The following CACNA1S variants were observed in gnomAD, a reference collection of about 807,000 sequenced individuals.
CACNA1S encodes the protein voltage-dependent L-type calcium channel subunit alpha-1S.
Under a neutral mutation model 207.4 loss-of-function variants are expected in CACNA1S, and 126 were observed. The observed-to-expected ratio is 0.61, with a 90% confidence interval of 0.53 to 0.70. CACNA1S has a LOEUF of 0.70. Among genes scored for constraint, CACNA1S ranks in the 30% least tolerant of loss-of-function variants. The pLI is 0.00. For synonymous variants in CACNA1S, 960 were observed against 932.7 expected (o/e 1.03, Z -0.53); for missense variants, 2,349 against 2,422.8 (o/e 0.97, Z 0.64).
intron 3 of CACNA1S, among the ~76,000 whole-genome samples, chr1:201,093,389 G>T (rs1662310234): frequency 6.6e-6 from 1 of 152,206 alleles, no homozygotes; most frequent in Admixed American, 6.5e-5. Context: ...CCAGACTCCA[G>T]AACTGTGAGA....
intron 1 of CACNA1S, 21 bp downstream of exon 1, chr1:201,112,167 G>A (rs199693053): frequency 3.8e-5 from 61 of 1,602,158 alleles, no homozygotes; most frequent in African/African-American, 2.8e-4. Context: ...CCCCCCCCAC[G>A]GCCCGGGCCC....
chr1:201,081,074 T>G (rs1416962281), intron 10 of CACNA1S, among the ~76,000 whole-genome samples: 1 of 152,138 alleles, frequency 6.6e-6, no homozygotes, highest in Non-Finnish European at 1.5e-5. Flanking sequence ...CCTGGCCCAG[T>G]GAGATTTTGG....
Position 201,074,524 on chromosome 1 carries a change from T to A in CACNA1S, c.2045A>T (p.Lys682Ile). Residue 682 changes from lysine to isoleucine, a missense_variant, in exon 14 of 44, where the codon AAA becomes ATA. Physicochemically the swap from Lys to Ile is moderately radical, Grantham distance 102. Coordinates refer to ENST00000362061, the MANE Select transcript of CACNA1S (RefSeq NM_000069.3). The part of the protein sequence containing the change: ...SAQKAKAEEK[K>I]RRKMSKGLPD... ...CACTCACTTGGACATCTTCCTGCGT[T>A]TTTTCTCCTCAGCCTTGGCCTTCTG... 1 of 1,613,096 alleles carries A rather than the reference T, an allele frequency of 6.2e-7. No individual in the cohort carries two copies. The highest frequency in any genetic ancestry group is 8.5e-7 in the Non-Finnish European group (1 of 1,179,152).
At chr1:201,061,510 A>T (rs1661049607) in intron 24 of CACNA1S, 42 bp from the exon 25 acceptor site, 2 of 1,584,056 alleles carry the variant, frequency 1.3e-6, no homozygotes, top group Non-Finnish European at 8.7e-7. Flanking sequence ...GGGTGGGGTG[A>T]CAAGGCAGAG....
In CACNA1S at chr1:201,060,748, C is replaced by A; in HGVS notation, c.3324G>T (p.Gln1108His). 6.2e-7 allele frequency: 1 copy of A among 1,614,190 alleles called. No individual in the cohort carries two copies. The highest frequency in any genetic ancestry group is 8.5e-7 in the Non-Finnish European group (1 of 1,180,038). ...AGGTGACAATGTACCACACCTGGTA[C>A]TGGTATGGGTTTTTGGGAATGTAGC... is the stretch of plus-strand genomic sequence containing the variant. ...LRCYIPKNPY[Q>H]YQVWYIVTSS... The change falls in exon 26 of 44, where the codon CAG becomes CAT. Residue 1108 changes from glutamine to histidine, a missense_variant. Gln to His is a conservative substitution (Grantham distance 24). Transcript: ENST00000362061.
At position 201,053,116 on chromosome 1, in the gene CACNA1S, G is replaced by T; in HGVS notation, c.3861+93C>A. On this transcript the variant is annotated intron_variant, in intron 31 of 43. Coordinates refer to ENST00000362061, the MANE Select transcript of CACNA1S (RefSeq NM_000069.3). The surrounding 1 kb of genome is among the most constrained non-coding windows in gnomAD (Gnocchi z 5.1). ...CAAGGCAGGGAGGGCGGAGGGTCCA[G>T]CCCGTGTGCTGCTCAGGCTCCTCAG... 1.4e-6 allele frequency: 2 copies of T among 1,407,876 alleles called. No homozygotes were observed. The highest frequency in any genetic ancestry group is 2.0e-6 in the Non-Finnish European group (2 of 991,844). 87.2% of individuals were successfully genotyped at this position (1,407,876 alleles called of 1,614,324 possible).
intron 11 of CACNA1S, 66 bp downstream of exon 11, chr1:201,077,813 T>A (rs1661681842): frequency 9.2e-7 from 1 of 1,084,638 alleles, no homozygotes; most frequent in Non-Finnish European, 1.4e-6. Context: ...ATGAGATGGG[T>A]GTAGACCAGA....
At chr1:201,101,170 A>G (rs1662647278) in intron 2 of CACNA1S, among the ~76,000 whole-genome samples, 1 of 152,370 alleles carries the variant, frequency 6.6e-6, no homozygotes, top group East Asian at 1.9e-4. Context: ...GAAATGGGCT[A>G]TAATAAGTTC....
At chr1:201,075,287 T>C (rs1661566881) in intron 13 of CACNA1S, among the ~76,000 whole-genome samples, 2 of 152,198 alleles carry the variant, frequency 1.3e-5, no homozygotes, top group African/African-American at 4.8e-5. Flanking sequence ...AACAACCCTG[T>C]GAGTCTCTAA....
At chr1:201,062,832 G>A (rs959158741) in intron 22 of CACNA1S, among the ~76,000 whole-genome samples, 1 of 152,218 alleles carries the variant, frequency 6.6e-6, no homozygotes, top group Non-Finnish European at 1.5e-5. Flanking sequence ...TGAGGGGATG[G>A]ACATGAGTGC....
At chr1:201,096,152 G>A (rs1234459505) in intron 2 of CACNA1S, among the ~76,000 whole-genome samples, 1 of 152,214 alleles carries the variant, frequency 6.6e-6, no homozygotes, top group Non-Finnish European at 1.5e-5. Context: ...GGCTCAGAGA[G>A]AGCTTGTCAG....
intron 6 of CACNA1S, 41 bp from the exon 7 acceptor site, chr1:201,087,970 G>T: frequency 7.3e-7 from 1 of 1,367,686 alleles, no homozygotes; most frequent in South Asian, 1.2e-5. Context: ...TTGAGGGCTT[G>T]GTTCCTCTTC....
intron 22 of CACNA1S, among the ~76,000 whole-genome samples, chr1:201,063,300 CTT>C (rs879667613): frequency 2.1e-5 from 3 of 142,542 alleles, no homozygotes; most frequent in Non-Finnish European, 1.5e-5. Flanking sequence ...ATGGCTAGGT[CTT>C]TTTTTTTTTT....
At chr1:201,070,853 G>A (rs557533190) in intron 16 of CACNA1S, among the ~76,000 whole-genome samples, 26 of 152,238 alleles carry the variant, frequency 1.7e-4, no homozygotes, top group Non-Finnish European at 2.4e-4. Flanking sequence ...TTGTGAAACC[G>A]ACAAGGGGCA....
intron 9 of CACNA1S, 96 bp from the exon 10 acceptor site, chr1:201,083,418 T>G: frequency 7.8e-7 from 1 of 1,289,638 alleles, no homozygotes; most frequent in Non-Finnish European, 1.1e-6. Context: ...ATGCGTAGCC[T>G]GACCACCCCA....
chr1:201,050,861 C>A, intron 33 of CACNA1S, 123 bp downstream of exon 33: 4 of 1,059,446 alleles, frequency 3.8e-6, no homozygotes, highest in Non-Finnish European at 5.9e-6. Context: ...TAACTAGAGC[C>A]TCCTGCGTCC....
At chr1:201,058,291 C>A in intron 28 of CACNA1S, 117 bp downstream of exon 28, 2 of 891,680 alleles carry the variant, frequency 2.2e-6, no homozygotes, top group Non-Finnish European at 3.8e-6. Flanking sequence ...GTCATTCCAT[C>A]TTTTTAACCC....
At chr1:201,054,616 C>T in intron 28 of CACNA1S, 55 bp from the exon 29 acceptor site, 1 of 1,451,526 alleles carries the variant, frequency 6.9e-7, no homozygotes, top group South Asian at 1.2e-5. Context: ...GGAGGAGGGA[C>T]ATGTGGGAGG....
intron 28 of CACNA1S, among the ~76,000 whole-genome samples, chr1:201,058,206 T>C (rs553884164): frequency 1.7e-4 from 26 of 152,294 alleles, no homozygotes; most frequent in Non-Finnish European, 3.5e-4. Context: ...GGTACACCCA[T>C]TGTGTCCCCC....
Sources: allele counts gnomAD v4.1 joint callset (sites outside exome capture counted in the v4.1 genomes callset), GRCh38; gene constraint gnomAD v4.1.1; non-coding constraint Gnocchi (gnomAD v3.1); transcripts MANE v1.5; gene names NCBI Gene and HGNC (gene_info 2026-07-23, HGNC 2026-07-21).